The following DACH1 variants were observed in gnomAD, a reference collection of about 807,000 sequenced individuals.
DACH1 encodes the protein dachshund family transcription factor 1, also known as dachshund homolog 1.
A neutral mutation model predicts 54.2 loss-of-function variants in DACH1; 12 were observed. The observed-to-expected ratio is 0.22, with a 90% CI of 0.14 to 0.36. DACH1 has a LOEUF of 0.36. Among genes scored for constraint, DACH1 ranks in the 10% least tolerant of loss-of-function variants. The pLI is 1.00. For synonymous variants in DACH1, 386 were observed against 366.2 expected (o/e 1.05, Z -0.62); for missense variants, 805 against 929.8 (o/e 0.87, Z 1.75).
intron 1 of DACH1, chr13:71,846,322 A>C (rs1375309776): frequency 5.6e-6 from 1 of 179,336 alleles, no homozygotes; most frequent in African/African-American, 2.4e-5. Flanking sequence ...ATTTAGACTA[A>C]CGAAAAGTAA....
At chr13:71,455,328 T>C (rs369569194) in intron 10 of DACH1, among the ~76,000 whole-genome samples, 1 of 152,142 alleles carries the variant, frequency 6.6e-6, no homozygotes, top group East Asian at 1.9e-4. Context: ...TCTCTCCATA[T>C]ATGGAGTCTA....
intron 10 of DACH1, among the ~76,000 whole-genome samples, chr13:71,446,089 G>A (rs1013265989): frequency 3.9e-5 from 6 of 152,274 alleles, no homozygotes; most frequent in African/African-American, 1.4e-4. Context: ...TGGAATCCCT[G>A]GAGTGCGTCC....
chr13:71,477,330 C>A (rs1877656948), intron 8 of DACH1, among the ~76,000 whole-genome samples: 2 of 151,288 alleles, frequency 1.3e-5, no homozygotes. Flanking sequence ...ACCTTGTTAG[C>A]CAGGATGGTC....
rs113782817 is a variant in DACH1, at chr13:71,825,129, C to T, written c.848+40793G>A. 5.7e-3 allele frequency among the ~76,000 whole-genome samples: 873 copies of T among 152,010 alleles called. 5 individuals are homozygous for T. The highest frequency in any genetic ancestry group is 0.02 in the African/African-American group (837 of 41,508). ...TTTAAACATATTTCAAACGAAATAA[C>T]AAAAAAGATGCTCTTAAATGTCTTA... is the stretch of plus-strand genomic sequence containing the variant. On this transcript the variant is annotated intron_variant, in intron 1 of 10. Coordinates refer to ENST00000613252, the MANE Select transcript of DACH1 (RefSeq NM_080759.6).
chr13:71,537,851 T>A (rs918773958), intron 6 of DACH1, among the ~76,000 whole-genome samples: 3 of 152,136 alleles, frequency 2.0e-5, no homozygotes, highest in African/African-American at 7.2e-5. Context: ...TATTTTCTGT[T>A]TACTAGACAA....
intron 1 of DACH1, among the ~76,000 whole-genome samples, chr13:71,705,128 T>C (rs1882369550): frequency 6.6e-6 from 1 of 152,188 alleles, no homozygotes; most frequent in South Asian, 2.1e-4. Flanking sequence ...TTGGAGATAA[T>C]GCTGTTCAAG....
intron 1 of DACH1, among the ~76,000 whole-genome samples, chr13:71,783,840 GT>G (rs373566201): frequency 0.033 from 4,880 of 146,342 alleles, 137 homozygotes; most frequent in African/African-American, 0.082. Flanking sequence ...TTGATTTAAG[GT>G]TTTTTTTTTG....
At chr13:71,674,689 T>C (rs1880436988) in intron 2 of DACH1, among the ~76,000 whole-genome samples, 1 of 152,148 alleles carries the variant, frequency 6.6e-6, no homozygotes, top group Non-Finnish European at 1.5e-5. Context: ...GTATAAATTG[T>C]GGTTTTGCCA....
intron 6 of DACH1, among the ~76,000 whole-genome samples, chr13:71,555,869 T>A (rs576576632): frequency 4.3e-4 from 66 of 152,270 alleles, no homozygotes; most frequent in Non-Finnish European, 7.6e-4. Context: ...TCACAATAAA[T>A]AATGTAAAAA....
intron 6 of DACH1, among the ~76,000 whole-genome samples, chr13:71,540,586 T>C (rs1883067531): frequency 6.6e-6 from 1 of 152,094 alleles, no homozygotes; most frequent in South Asian, 2.1e-4. Flanking sequence ...ATAACTATCA[T>C]TAATAAATGA....
intron 6 of DACH1, among the ~76,000 whole-genome samples, chr13:71,546,654 GAACT>G (rs1225765832): frequency 7.3e-5 from 11 of 151,622 alleles, no homozygotes; most frequent in Non-Finnish European, 1.6e-4. Flanking sequence ...TTAATTCAAT[GAACT>G]ATCAAGGCTA....
chr13:71,596,049 C>A (rs543704424), intron 3 of DACH1, among the ~76,000 whole-genome samples: 22 of 151,898 alleles, frequency 1.4e-4, no homozygotes, highest in African/African-American at 4.8e-4. Context: ...CTACTTGAAT[C>A]ACCATTTTGA....
chr13:71,536,676 T>C (rs1406914744), intron 6 of DACH1, among the ~76,000 whole-genome samples: 1 of 152,144 alleles, frequency 6.6e-6, no homozygotes, highest in African/African-American at 2.4e-5. Flanking sequence ...GAGTGTTTAT[T>C]CTGTGTGGGG....
intron 10 of DACH1, among the ~76,000 whole-genome samples, chr13:71,442,199 C>A (rs1489330768): frequency 2.0e-5 from 3 of 152,020 alleles, no homozygotes; most frequent in Non-Finnish European, 4.4e-5. Flanking sequence ...CACTAACCTT[C>A]CCAGTCTCTG....
chr13:71,726,521 T>C (rs1883473463), intron 1 of DACH1, among the ~76,000 whole-genome samples: 1 of 152,040 alleles, frequency 6.6e-6, no homozygotes, highest in African/African-American at 2.4e-5. Context: ...AATAAAGTGA[T>C]TTTTTTGTCA....
chr13:71,742,337 T>A (rs1229346919), intron 1 of DACH1, among the ~76,000 whole-genome samples: 2 of 152,164 alleles, frequency 1.3e-5, no homozygotes, highest in African/African-American at 2.4e-5. Context: ...CTATGGAAAT[T>A]TAATTTGTTA....
At chr13:71,768,706 T>C (rs1885736375) in intron 1 of DACH1, among the ~76,000 whole-genome samples, 1 of 151,952 alleles carries the variant, frequency 6.6e-6, no homozygotes, top group Non-Finnish European at 1.5e-5. Context: ...TGGAAAACTT[T>C]TCTGGCATTG....
intron 6 of DACH1, among the ~76,000 whole-genome samples, chr13:71,533,524 T>A (rs982243243): frequency 6.6e-6 from 1 of 152,062 alleles, no homozygotes; most frequent in African/African-American, 2.4e-5. Context: ...TTCCGGCCTA[T>A]ATTAAATTCT....
intron 7 of DACH1, among the ~76,000 whole-genome samples, chr13:71,480,170 C>T (rs1261373050): frequency 6.6e-6 from 1 of 152,082 alleles, no homozygotes; most frequent in East Asian, 1.9e-4. Context: ...TAAAATTTCA[C>T]AAATAGCAAT....
Sources: allele counts gnomAD v4.1 joint callset (sites outside exome capture counted in the v4.1 genomes callset), GRCh38; gene constraint gnomAD v4.1.1; transcripts MANE v1.5; gene names NCBI Gene and HGNC (gene_info 2026-07-23, HGNC 2026-07-21).